Variants in UTRN observed in about 807,000 individuals in gnomAD.
UTRN encodes utrophin.
Under a neutral mutation model 463.9 loss-of-function variants are expected in UTRN, and 283 were observed. That is an observed-to-expected ratio of 0.61 (90% CI 0.55 to 0.67). UTRN has a LOEUF of 0.67. Among genes scored for constraint, UTRN ranks in the 30% least tolerant of loss-of-function variants. The pLI, the probability that UTRN is intolerant of heterozygous loss-of-function variation, is 0.00. For synonymous variants in UTRN, 1,442 were observed against 1,431.5 expected (o/e 1.01, Z -0.17); for missense variants, 3,922 against 4,084.3 (o/e 0.96, Z 1.08).
intron 3 of UTRN, among the ~76,000 whole-genome samples, chr6:144,416,923 C>T (rs559569364): frequency 1.8e-4 from 28 of 152,198 alleles, no homozygotes; most frequent in Non-Finnish European, 3.5e-4. Context: ...ACTGTATTCT[C>T]TTTGTCAGAG....
At chr6:144,535,692 A>G (rs557568609) in intron 43 of UTRN, among the ~76,000 whole-genome samples, 2 of 152,340 alleles carry the variant, frequency 1.3e-5, no homozygotes, top group East Asian at 1.9e-4. Context: ...TTGTTAACAA[A>G]GTAATTGAGA....
At chr6:144,830,583 ATTATT>A (rs1301062006) in intron 69 of UTRN, among the ~76,000 whole-genome samples, 1 of 152,200 alleles carries the variant, frequency 6.6e-6, no homozygotes, top group Non-Finnish European at 1.5e-5. Flanking sequence ...TGCCCTTGGG[ATTATT>A]TATTATAAAC....
intron 53 of UTRN, among the ~76,000 whole-genome samples, chr6:144,706,314 A>G (rs184316737): frequency 1.7e-4 from 25 of 151,008 alleles, no homozygotes; most frequent in Admixed American, 1.7e-3. Context: ...GTGTATATTC[A>G]TGTATAATTT....
chr6:144,665,058 C>T (rs770477553), intron 51 of UTRN, among the ~76,000 whole-genome samples: 12 of 152,080 alleles, frequency 7.9e-5, no homozygotes, highest in Non-Finnish European at 1.8e-4. Context: ...GACATGATAG[C>T]GAAATTGTTC....
At chr6:144,808,139 T>C (rs1778306760) in intron 65 of UTRN, among the ~76,000 whole-genome samples, 1 of 152,078 alleles carries the variant, frequency 6.6e-6, no homozygotes, top group Non-Finnish European at 1.5e-5. Context: ...TGAATACCCT[T>C]TTACATACCA....
At chr6:144,545,466 A>G (rs1798317935) in intron 46 of UTRN, among the ~76,000 whole-genome samples, 2 of 152,186 alleles carry the variant, frequency 1.3e-5, no homozygotes, top group Admixed American at 1.3e-4. Flanking sequence ...TCTGTTTCAA[A>G]TACACTGGTC....
chr6:144,564,193 A>G (rs796904862), intron 50 of UTRN, among the ~76,000 whole-genome samples: 4 of 152,178 alleles, frequency 2.6e-5, no homozygotes, highest in South Asian at 4.1e-4. Flanking sequence ...AAAATAATAC[A>G]TAATTATAGG....
At chr6:144,725,987 G>A (rs1425605410) in intron 53 of UTRN, among the ~76,000 whole-genome samples, 1 of 151,920 alleles carries the variant, frequency 6.6e-6, no homozygotes, top group African/African-American at 2.4e-5. Flanking sequence ...AGGAGTTCGC[G>A]AGACATTCTC....
At chr6:144,477,660 C>T (rs1175181548) in intron 25 of UTRN, among the ~76,000 whole-genome samples, 2 of 151,988 alleles carry the variant, frequency 1.3e-5, no homozygotes, top group Non-Finnish European at 2.9e-5. Context: ...AGCATGAAGG[C>T]ATTCTTCTGC....
At chr6:144,806,554 T>C (rs1356373686) in intron 65 of UTRN, among the ~76,000 whole-genome samples, 2 of 145,842 alleles carry the variant, frequency 1.4e-5, no homozygotes, top group African/African-American at 5.0e-5. Context: ...AATGATCTGA[T>C]TGCTATTATT....
chr6:144,489,096 C>G (rs898268871), intron 30 of UTRN, among the ~76,000 whole-genome samples: 1 of 152,000 alleles, frequency 6.6e-6, no homozygotes. Context: ...GTCACCCAGG[C>G]TGGAGTGCAG....
Position 144,578,118 on chromosome 6 carries a change from A to G in UTRN, c.7479+830A>G, listed in dbSNP as rs113521606. Among the ~76,000 whole-genome samples the G allele has an allele frequency of 8.0e-3, 1,214 of 152,100 alleles. 22 individuals are homozygous for G. Among genetic ancestry groups the G allele is most frequent in the African/African-American group, 0.027 (1,107 of 41,484 alleles). ...CTTGGGAGGCTGAAGCATGAGAATT[A>G]CTTGAACCCAGGAGGTGGAGGTTGC... On this transcript the variant is annotated intron_variant, in intron 51 of 74. Transcript: ENST00000367545.
chr6:144,420,609 A>G (rs1298983082), intron 3 of UTRN, among the ~76,000 whole-genome samples: 1 of 152,246 alleles, frequency 6.6e-6, no homozygotes, highest in African/African-American at 2.4e-5. Flanking sequence ...GAAATTCTAT[A>G]AGCTTTGTCA....
intron 2 of UTRN, among the ~76,000 whole-genome samples, chr6:144,311,311 G>A (rs57945244): frequency 0.019 from 2,930 of 152,298 alleles, 104 homozygotes; most frequent in African/African-American, 0.066. Context: ...TGATAGGTAG[G>A]ATGTGGCTTT....
chr6:144,725,257 C>T (rs1362699454), intron 53 of UTRN, among the ~76,000 whole-genome samples: 1 of 152,192 alleles, frequency 6.6e-6, no homozygotes, highest in Non-Finnish European at 1.5e-5. Context: ...TCCCTTTGCT[C>T]TTCCTTCGTC....
chr6:144,768,187 G>C (rs1321107974), intron 58 of UTRN, among the ~76,000 whole-genome samples: 1 of 151,942 alleles, frequency 6.6e-6, no homozygotes, highest in Non-Finnish European at 1.5e-5. Flanking sequence ...TTTATTTGTT[G>C]GTGCTACAGT....
At chr6:144,632,538 C>T (rs1391339330) in intron 51 of UTRN, among the ~76,000 whole-genome samples, 1 of 151,974 alleles carries the variant, frequency 6.6e-6, no homozygotes, top group African/African-American at 2.4e-5. Context: ...TCTTTCTTGA[C>T]AGCAGAGATG....
intron 53 of UTRN, among the ~76,000 whole-genome samples, chr6:144,727,619 C>T (rs1483678402): frequency 1.3e-5 from 2 of 152,026 alleles, no homozygotes; most frequent in African/African-American, 4.8e-5. Context: ...ATTAGCCAGA[C>T]GTGGTGATGG....
intron 32 of UTRN, among the ~76,000 whole-genome samples, chr6:144,492,677 A>C (rs938837114): frequency 6.6e-6 from 1 of 152,228 alleles, no homozygotes; most frequent in Non-Finnish European, 1.5e-5. Context: ...CCTTGCCAGC[A>C]TCTGTTGTTT....
Sources: gnomAD v4.1 joint callset for allele counts (sites outside exome capture counted in the v4.1 genomes callset) on GRCh38, gnomAD v4.1.1 for gene constraint, MANE v1.5 for transcripts, NCBI Gene and HGNC (gene_info 2026-07-23, HGNC 2026-07-21) for gene names.